SH3GL2: variants seen among roughly 807,000 people sequenced by gnomAD.
The protein encoded by SH3GL2 is endophilin-A1.
SH3GL2 carries 24 observed loss-of-function variants against 46.0 expected under a neutral mutation model. That is an observed-to-expected ratio of 0.52 (90% CI 0.38 to 0.73). The LOEUF is 0.73. Among genes scored for constraint, SH3GL2 ranks in the 30% least tolerant of loss-of-function variants. The pLI is 0.00. For missense variants in SH3GL2, 413 were observed against 424.2 expected, an observed-to-expected ratio of 0.97 and a Z score of 0.23; for synonymous variants, 196 against 147.1, an observed-to-expected ratio of 1.33 and a Z score of -2.40.
intron 1 of SH3GL2, among the ~76,000 whole-genome samples, chr9:17,610,816 G>C (rs1588171381): frequency 6.6e-6 from 1 of 152,012 alleles, no homozygotes; most frequent in African/African-American, 2.4e-5. Context: ...ATAGGGCAGT[G>C]CCCCCTCAAA....
chr9:17,632,463 A>G (rs1320599805), intron 1 of SH3GL2, among the ~76,000 whole-genome samples: 1 of 152,204 alleles, frequency 6.6e-6, no homozygotes, highest in Non-Finnish European at 1.5e-5. Flanking sequence ...GTCACTGTCA[A>G]AGCTACATAT....
intron 1 of SH3GL2, among the ~76,000 whole-genome samples, chr9:17,623,039 T>TCCTTTCCTTTCCTTC (rs1563786548): frequency 2.3e-4 from 19 of 84,228 alleles, no homozygotes; most frequent in Non-Finnish European, 3.2e-4. Flanking sequence ...TCCTTTCCTT[T>TCCTTTCCTTTCCTTC]CCTTCCCCTT....
At chr9:17,684,268 G>C (rs1253560458) in intron 1 of SH3GL2, among the ~76,000 whole-genome samples, 1 of 152,086 alleles carries the variant, frequency 6.6e-6, no homozygotes, top group East Asian at 1.9e-4. Flanking sequence ...AAATGAAAAT[G>C]CTAGAAATGA....
At chr9:17,684,296 A>T (rs796447780) in intron 1 of SH3GL2, among the ~76,000 whole-genome samples, 6 of 152,236 alleles carry the variant, frequency 3.9e-5, no homozygotes, top group African/African-American at 1.4e-4. Context: ...AGTAACAGAG[A>T]TGAACGATGC....
chr9:17,697,520 C>T lies in SH3GL2; in HGVS notation c.46-49546C>T, dbSNP rs560178236. Among the ~76,000 whole-genome samples, 102 of 152,218 alleles carry T rather than the reference C, an allele frequency of 6.7e-4. No homozygotes were observed. The Middle Eastern group carries it at 0.02, about 30-fold the overall frequency. ...TACAGGTGTGAGCCACCGTGCCTGGCCTCAAATGCATTTCTATACAGGTCC... is the reference window on the plus strand; with the variant it reads ...TACAGGTGTGAGCCACCGTGCCTGGTCTCAAATGCATTTCTATACAGGTCC... On this transcript the variant is annotated intron_variant, in intron 1 of 8. Transcript: ENST00000380607.
At chr9:17,787,771 C>T (rs117211420) in intron 5 of SH3GL2, among the ~76,000 whole-genome samples, 1,743 of 152,170 alleles carry the variant, frequency 0.011, 19 homozygotes, top group South Asian at 0.023. Flanking sequence ...TTTTTTCAGA[C>T]TTTTTCTCCA....
At chr9:17,646,283 A>G (rs1446028589) in intron 1 of SH3GL2, among the ~76,000 whole-genome samples, 1 of 151,932 alleles carries the variant, frequency 6.6e-6, no homozygotes, top group Non-Finnish European at 1.5e-5. Flanking sequence ...CTAACCTTTT[A>G]TCAAAGTTCT....
intron 1 of SH3GL2, among the ~76,000 whole-genome samples, chr9:17,592,654 G>C (rs900615002): frequency 2.6e-5 from 4 of 152,136 alleles, no homozygotes; most frequent in African/African-American, 7.2e-5. Context: ...AGAATAAAAT[G>C]GATATTTTAA....
At chr9:17,694,899 G>A (rs1335932752) in intron 1 of SH3GL2, among the ~76,000 whole-genome samples, 1 of 152,088 alleles carries the variant, frequency 6.6e-6, no homozygotes, top group Non-Finnish European at 1.5e-5. Context: ...GTAGGGAATG[G>A]AGTAGGGGAG....
chr9:17,767,273 T>C (rs7027918), intron 3 of SH3GL2, among the ~76,000 whole-genome samples: 1 of 152,182 alleles, frequency 6.6e-6, no homozygotes, highest in South Asian at 2.1e-4. Flanking sequence ...TTTAGAATTT[T>C]TTAATAATTT....
At chr9:17,688,034 A>G (rs1025029922) in intron 1 of SH3GL2, among the ~76,000 whole-genome samples, 14 of 152,090 alleles carry the variant, frequency 9.2e-5, no homozygotes, top group Non-Finnish European at 1.8e-4. Context: ...CTCTTTTTCT[A>G]GTATACAAGT....
intron 1 of SH3GL2, among the ~76,000 whole-genome samples, chr9:17,646,698 C>T (rs987807882): frequency 6.6e-6 from 1 of 152,178 alleles, no homozygotes; most frequent in African/African-American, 2.4e-5. Context: ...GTATCACCAG[C>T]GGAGTCTGCA....
At chr9:17,764,388 G>A (rs554988224) in intron 3 of SH3GL2, among the ~76,000 whole-genome samples, 1 of 152,312 alleles carries the variant, frequency 6.6e-6, no homozygotes, top group South Asian at 2.1e-4. Flanking sequence ...TGAGAGTTAG[G>A]CAGACACCCA....
At chr9:17,725,707 C>T (rs1298315142) in intron 1 of SH3GL2, among the ~76,000 whole-genome samples, 1 of 152,104 alleles carries the variant, frequency 6.6e-6, no homozygotes, top group Admixed American at 6.6e-5. Flanking sequence ...CCAGTATTCT[C>T]AGACTTTGCT....
At chr9:17,782,327 G>C (rs3808667) in intron 3 of SH3GL2, among the ~76,000 whole-genome samples, 61,743 of 151,980 alleles carry the variant, frequency 0.41, 14,441 homozygotes, top group East Asian at 0.79. Context: ...GATTCTGTGA[G>C]AGCACGTGAT....
At chr9:17,704,681 G>A (rs367994703) in intron 1 of SH3GL2, among the ~76,000 whole-genome samples, 1 of 151,966 alleles carries the variant, frequency 6.6e-6, no homozygotes, top group Non-Finnish European at 1.5e-5. Flanking sequence ...AAGCAATGGG[G>A]GAAAGTACTC....
In SH3GL2 at chr9:17,793,403, T is replaced by G. The variant is rs907701905; in HGVS notation, c.765T>G (p.Tyr255Ter). 3 of 1,613,144 alleles carry G rather than the reference T, an allele frequency of 1.9e-6. No individual in the cohort carries two copies. The highest frequency in any genetic ancestry group is 2.5e-6 in the Non-Finnish European group (3 of 1,179,542). ...CTTCATCTCAGCCTAGAAGGGAATA[T>G]CAACCTAAACCACGAATGAGCCTGG... is the stretch of plus-strand genomic sequence containing the variant. ...RQASSQPRRE[Y>*]QPKPRMSLEF... Residue 255 changes from tyrosine (Y) to a stop codon, truncating the protein, a stop_gained, in exon 8 of 9, where the codon TAT becomes TAG. Transcript: ENST00000380607. LOFTEE classifies it high-confidence loss of function.
intron 1 of SH3GL2, among the ~76,000 whole-genome samples, chr9:17,674,689 G>T (rs4601433): frequency 6.6e-6 from 1 of 151,946 alleles, no homozygotes; most frequent in Non-Finnish European, 1.5e-5. Flanking sequence ...TCATCTGGTC[G>T]CCCAGCTGAA....
chr9:17,793,390 C>T lies in SH3GL2; in HGVS notation c.752C>T (p.Pro251Leu). The T allele has an allele frequency of 6.2e-7, 1 of 1,613,078 alleles. No individual in the cohort carries two copies. The highest frequency in any genetic ancestry group is 1.1e-5 in the South Asian group (1 of 90,940). ...AGAATAAGACAGGCTTCATCTCAGC[C>T]TAGAAGGGAATATCAACCTAAACCA... ...EERIRQASSQPRREYQPKPRM... is the reference protein window; with the variant it reads ...EERIRQASSQLRREYQPKPRM... The change falls in exon 8 of 9, where the codon CCT (proline) becomes CTT (leucine). Residue 251 changes from proline (P) to leucine (L), a missense_variant. Pro to Leu is a moderately conservative substitution (Grantham distance 98). This residue lies in a region of SH3GL2 where 248 missense variants were observed against 215.0 expected (regional missense o/e 1.15). Coordinates refer to ENST00000380607, the MANE Select transcript of SH3GL2 (RefSeq NM_003026.5).
Sources: allele counts gnomAD v4.1 joint callset (sites outside exome capture counted in the v4.1 genomes callset), GRCh38; gene constraint gnomAD v4.1.1; regional missense constraint gnomAD v4.1.1; transcripts MANE v1.5; gene names NCBI Gene and HGNC (gene_info 2026-07-23, HGNC 2026-07-21).